NYX: variants seen among roughly 807,000 people sequenced by gnomAD.
NYX encodes the protein leucine-rich repeat protein.
For synonymous variants in NYX, 258 were observed against 245.7 expected (o/e 1.05, Z -0.47); for missense variants, 481 against 485.4 (o/e 0.99, Z 0.09).
intron 2 of NYX, among the ~76,000 whole-genome samples, chrX:41,454,201 C>G (rs1346104914): frequency 8.9e-6 from 1 of 111,827 alleles, no homozygotes; most frequent in African/African-American, 3.2e-5. Flanking sequence ...ATGTTCAGCC[C>G]TGGAAATGAA....
At chrX:41,469,615 C>T in intron 2 of NYX, among the ~76,000 whole-genome samples, 1 of 104,537 alleles carries the variant, frequency 9.6e-6, no homozygotes, top group Non-Finnish European at 1.9e-5. Context: ...GGTGCAATCT[C>T]GGCTCACTGC....
At chrX:41,471,633 C>A (rs993168360) in intron 2 of NYX, among the ~76,000 whole-genome samples, 1 of 111,206 alleles carries the variant, frequency 9.0e-6, no homozygotes, top group East Asian at 2.8e-4. Flanking sequence ...TTCCTCCAGA[C>A]CCCCAATAAA....
In NYX at chrX:41,473,733, C is replaced by T; in HGVS notation, c.265C>T (p.Arg89Cys). 8.6e-7 allele frequency: 1 copy of T among 1,158,233 alleles called. No individual in the cohort carries two copies. Among genetic ancestry groups the T allele is most frequent in the Non-Finnish European group, 1.1e-6 (1 of 874,622 alleles). Residue 89 changes from arginine to cysteine, a missense_variant, in exon 3 of 3, where the codon CGC becomes TGC. Physicochemically the swap from Arg to Cys is radical, Grantham distance 180. Transcript: ENST00000378220. ...GCCGTCCTTGCGCCGCCTGTCGCTG[C>T]GCCACAACAACCTGTCCTTCATCAC... ...TLPSLRRLSL[R>C]HNNLSFITPG...
intron 2 of NYX, chrX:41,472,233 T>G: frequency 1.1e-6 from 1 of 916,983 alleles, no homozygotes; most frequent in Non-Finnish European, 1.5e-6. Flanking sequence ...TGGCTTAGCC[T>G]CAAGCAAAAA....
rs2064386558 is a variant in NYX at position 41,475,213 on chromosome X, A to C, written c.*314A>C. ...CTTCCCCTCCCCTCCCCTTCCCCTCATCTTCCAGGCAACAGTGCCTGCAAG... is the reference window on the plus strand; with the variant it reads ...CTTCCCCTCCCCTCCCCTTCCCCTCCTCTTCCAGGCAACAGTGCCTGCAAG... On this transcript the variant is annotated 3_prime_UTR_variant, in exon 3 of 3. Coordinates refer to ENST00000378220, the MANE Select transcript of NYX (RefSeq NM_001378477.3). The C allele has an allele frequency of 5.8e-6, 2 of 346,874 alleles. No homozygotes were observed. The highest frequency in any genetic ancestry group is 1.0e-5 in the Non-Finnish European group (2 of 196,955). 28.6% of individuals were successfully genotyped at this position (346,874 alleles called of 1,213,427 possible).
intron 2 of NYX, 139 bp from the exon 3 acceptor site, chrX:41,473,352 A>G: frequency 1.4e-6 from 1 of 728,006 alleles, no homozygotes; most frequent in Non-Finnish European, 1.7e-6. Context: ...CATGTGCCTG[A>G]CACAAGATAA....
intron 2 of NYX, chrX:41,472,220 C>T: frequency 1.3e-6 from 1 of 776,863 alleles, no homozygotes; most frequent in East Asian, 3.3e-5. Flanking sequence ...GCCTGGGATA[C>T]AGTGGCTTAG....
rs2147025247 is a variant in NYX, at chrX:41,473,561, C to T, written c.93C>T (p.Ala31=). The T allele has an allele frequency of 3.9e-6, 4 of 1,015,269 alleles. No individual in the cohort carries two copies. The highest frequency in any genetic ancestry group is 5.0e-6 in the Non-Finnish European group (4 of 799,961). The allele number at this position is 1,015,269 out of a possible 1,213,427, so 83.7% of individuals were successfully genotyped here. The change falls in exon 3 of 3, where the codon GCC becomes GCT. Residue 31 remains alanine (A), a synonymous_variant. Transcript: ENST00000378220. ...ACARACPAAC[A]CSTVERGCSV... ...CCCGCGCTTGTCCCGCCGCCTGCGC[C>T]TGCAGCACCGTGGAGCGCGGCTGCT...
intron 2 of NYX, among the ~76,000 whole-genome samples, chrX:41,459,208 C>A (rs1352758205): frequency 8.9e-6 from 1 of 111,982 alleles, no homozygotes; most frequent in Non-Finnish European, 1.9e-5. Context: ...ACCACAGTAC[C>A]TAAACTATGT....
At chrX:41,452,327 C>T (rs897574022) in intron 2 of NYX, among the ~76,000 whole-genome samples, 3 of 110,842 alleles carry the variant, frequency 2.7e-5, no homozygotes, top group Admixed American at 9.7e-5. Flanking sequence ...CTGAACTGCA[C>T]GCTTAAAATG....
intron 2 of NYX, among the ~76,000 whole-genome samples, chrX:41,471,109 C>A (rs1422630193): frequency 9.0e-6 from 1 of 111,516 alleles, no homozygotes; most frequent in Non-Finnish European, 1.9e-5. Context: ...AGCTTATATA[C>A]CTTCTTTTTT....
At chrX:41,455,845 C>A (rs2064297172) in intron 2 of NYX, among the ~76,000 whole-genome samples, 1 of 111,738 alleles carries the variant, frequency 8.9e-6, no homozygotes, top group African/African-American at 3.3e-5. Context: ...TCTGAATAGC[C>A]AAGGAGATTC....
intron 2 of NYX, among the ~76,000 whole-genome samples, chrX:41,470,694 C>CAAAA (rs554668854): frequency 0.38 from 21,880 of 56,903 alleles, 4,178 homozygotes; most frequent in East Asian, 0.8. Flanking sequence ...GACTCTGTCT[C>CAAAA]AAAAAAAAAA....
chrX:41,462,571 G>C (rs1169030034), intron 2 of NYX, among the ~76,000 whole-genome samples: 2 of 111,743 alleles, frequency 1.8e-5, no homozygotes, highest in African/African-American at 6.5e-5. Flanking sequence ...CCAAGATTGG[G>C]GTGCCAGCAT....
At chrX:41,456,739 C>G (rs1400972761) in intron 2 of NYX, among the ~76,000 whole-genome samples, 1 of 111,971 alleles carries the variant, frequency 8.9e-6, no homozygotes, top group Non-Finnish European at 1.9e-5. Flanking sequence ...TGAGCCCTAA[C>G]TGTAAAGGGA....
intron 2 of NYX, among the ~76,000 whole-genome samples, chrX:41,448,335 C>G (rs866984579): frequency 3.9e-4 from 43 of 110,310 alleles, no homozygotes; most frequent in Middle Eastern, 4.6e-3. Flanking sequence ...CTCCGCCTCC[C>G]GGGTTCACGC....
intron 2 of NYX, among the ~76,000 whole-genome samples, chrX:41,450,236 C>A (rs896830500): frequency 3.6e-5 from 4 of 112,341 alleles, no homozygotes; most frequent in Non-Finnish European, 5.6e-5. Flanking sequence ...TTCCTCTACA[C>A]TGAGTCTTCA....
Position 41,474,607 on chromosome X carries a change from T to A in NYX, c.1139T>A (p.Leu380His), listed in dbSNP as rs749478506. The A allele has an allele frequency of 3.3e-6, 4 of 1,198,052 alleles. No individual in the cohort carries two copies. The African/African-American group carries it at 5.3e-5, about 16-fold the overall frequency. The change falls in exon 3 of 3, where the codon CTC becomes CAC. Residue 380 changes from leucine to histidine, a missense_variant. By Grantham distance (99) the Leu-to-His change is moderately conservative (BLOSUM62 -3). Coordinates refer to ENST00000378220, the MANE Select transcript of NYX (RefSeq NM_001378477.3). ...ACCTTCGGGCGCTCCTCCGATGGCCTCTGTGTGGACCCCGAGGAGCTGAAC... is the reference window on the plus strand; with the variant it reads ...ACCTTCGGGCGCTCCTCCGATGGCCACTGTGTGGACCCCGAGGAGCTGAAC... ...QVTFGRSSDGLCVDPEELNLT... is the reference protein window; with the variant it reads ...QVTFGRSSDGHCVDPEELNLT...
In NYX at chrX:41,447,502, G is replaced by C. The variant is rs1238862029; in HGVS notation, c.-71G>C. The C allele has an allele frequency of 9.9e-6, 2 of 202,560 alleles. No homozygotes were observed. The highest frequency in any genetic ancestry group is 1.8e-5 in the Non-Finnish European group (2 of 109,146). 16.7% of individuals were successfully genotyped at this position (202,560 alleles called of 1,213,427 possible). A position where few individuals can be genotyped will look rare whatever the true frequency, so the allele number is the denominator to read the frequency against. On this transcript the variant is annotated 5_prime_UTR_variant, in exon 1 of 3. Transcript: ENST00000378220. Reference sequence around the variant, plus strand: ...GGGACCTCAGAGGAGCAGGACCAGGGAGACTCCCAGGACGGTAAGCAACAT... The same window carrying C: ...GGGACCTCAGAGGAGCAGGACCAGGCAGACTCCCAGGACGGTAAGCAACAT...
Sources: gnomAD v4.1 joint callset for allele counts (sites outside exome capture counted in the v4.1 genomes callset) on GRCh38, gnomAD v4.1.1 for gene constraint, MANE v1.5 for transcripts, NCBI Gene and HGNC (gene_info 2026-07-23, HGNC 2026-07-21) for gene names.